The following ITGA1 variants were observed in gnomAD, a reference collection of about 807,000 sequenced individuals.
ITGA1 encodes integrin alpha-1.
ITGA1 carries 85 observed loss-of-function variants against 145.9 expected under a neutral mutation model. That is an observed-to-expected ratio of 0.58 (90% CI 0.49 to 0.70). ITGA1 has a LOEUF of 0.70. Among genes scored for constraint, ITGA1 ranks in the 30% least tolerant of loss-of-function variants. ITGA1 has a pLI of 0.00. For synonymous variants in ITGA1, 520 were observed against 495.3 expected, an observed-to-expected ratio of 1.05 and a Z score of -0.66; for missense variants, 1,351 against 1,418.7, an observed-to-expected ratio of 0.95 and a Z score of 0.77.
chr5:52,922,731 C>T (rs1372976206), intron 17 of ITGA1, 46 bp from the exon 18 acceptor site: 1 of 1,228,340 alleles, frequency 8.1e-7, no homozygotes, highest in African/African-American at 1.5e-5. Context: ...ATCAGAACAC[C>T]CGGTAAATAT....
intron 1 of ITGA1, among the ~76,000 whole-genome samples, chr5:52,798,595 T>C (rs1249823837): frequency 6.6e-6 from 1 of 152,100 alleles, no homozygotes; most frequent in Non-Finnish European, 1.5e-5. Flanking sequence ...TACTGAGAAA[T>C]ACAGTTTTCA....
At chr5:52,920,021 TAATA>T (rs1750707717) in intron 16 of ITGA1, among the ~76,000 whole-genome samples, 1 of 152,140 alleles carries the variant, frequency 6.6e-6, no homozygotes, top group Non-Finnish European at 1.5e-5. Flanking sequence ...AGTGAAAATA[TAATA>T]AATACAGTGG....
intron 1 of ITGA1, among the ~76,000 whole-genome samples, chr5:52,804,341 C>G (rs1177446771): frequency 6.6e-6 from 1 of 152,166 alleles, no homozygotes; most frequent in Non-Finnish European, 1.5e-5. Context: ...AAGTGAGAAG[C>G]TTGCACATTA....
At chr5:52,931,370 G>A (rs1561252964) in intron 21 of ITGA1, 1 of 152,048 alleles carries the variant, frequency 6.6e-6, no homozygotes, top group African/African-American at 2.4e-5. Flanking sequence ...CTCATTCTCT[G>A]GCCCCAGAGC....
intron 1 of ITGA1, chr5:52,801,781 C>T (rs1438852730): frequency 6.2e-7 from 1 of 1,613,942 alleles, no homozygotes; most frequent in Non-Finnish European, 8.5e-7. Context: ...TGCCATTCTC[C>T]GCTTCCCTGT....
chr5:52,928,133 T>C (rs1047647599), intron 20 of ITGA1, among the ~76,000 whole-genome samples: 3 of 152,334 alleles, frequency 2.0e-5, no homozygotes, highest in East Asian at 1.9e-4. Flanking sequence ...TAAGGTATTT[T>C]GTACAAGGTA....
chr5:52,852,646 T>C (rs1749447359), intron 2 of ITGA1, among the ~76,000 whole-genome samples: 2 of 152,130 alleles, frequency 1.3e-5, no homozygotes, highest in Non-Finnish European at 2.9e-5. Context: ...TTCAAGGTGA[T>C]TTCTAGGTAG....
At chr5:52,811,977 A>T (rs1404766405) in intron 1 of ITGA1, among the ~76,000 whole-genome samples, 1 of 152,318 alleles carries the variant, frequency 6.6e-6, no homozygotes, top group Non-Finnish European at 1.5e-5. Flanking sequence ...GAGCCCAGGC[A>T]TCTGTACATT....
intron 1 of ITGA1, among the ~76,000 whole-genome samples, chr5:52,848,854 T>C (rs1749380252): frequency 6.6e-6 from 1 of 152,108 alleles, no homozygotes; most frequent in Non-Finnish European, 1.5e-5. Context: ...TGAGATAGTT[T>C]GCTGAGAACG....
Position 52,865,785 on chromosome 5 carries a change from G to C in ITGA1, c.592G>C (p.Glu198Gln). Residue 198 changes from glutamate (E) to glutamine (Q), a missense_variant, in exon 6 of 29, where the codon GAA becomes CAA. Glu to Gln is a conservative substitution (Grantham distance 29). Coordinates refer to ENST00000282588, the MANE Select transcript of ITGA1 (RefSeq NM_181501.2). ...TACAGCTTTTTTAAATGACCTTCTT[G>C]AAAGAATGGATATTGGTCCTAAACA... ...SVTAFLNDLL[E>Q]RMDIGPKQTQ... is the part of the protein sequence containing the mutation. 6.2e-7 allele frequency: 1 copy of C among 1,602,604 alleles called. No individual in the cohort carries two copies.
chr5:52,909,108 A>C, intron 13 of ITGA1, 67 bp downstream of exon 13: 1 of 1,518,666 alleles, frequency 6.6e-7, no homozygotes, highest in East Asian at 2.4e-5. Context: ...TTTAATAATA[A>C]ATTCCAATTT....
At chr5:52,897,292 C>T (rs747276270) in intron 9 of ITGA1, among the ~76,000 whole-genome samples, 163 bp from the exon 10 acceptor site, 2 of 152,120 alleles carry the variant, frequency 1.3e-5, no homozygotes, top group Admixed American at 6.5e-5. Flanking sequence ...CCAGGCCTAC[C>T]TAGAAATTTT....
rs1239640726 is a variant in ITGA1, at chr5:52,922,825, C to G, written c.2341C>G (p.Leu781Val). ...DSVRITLDFN[L>V]TDPENGPVLD... The stretch of plus-strand genomic sequence containing the variant: ...TGTGAGAATAACGTTGGACTTTAAT[C>G]TTACCGATCCAGAAAATGGGCCTGT... The change falls in exon 18 of 29, where the codon CTT becomes GTT. Residue 781 changes from leucine (L) to valine (V), a missense_variant. Coordinates refer to ENST00000282588, the MANE Select transcript of ITGA1 (RefSeq NM_181501.2). 6.2e-7 allele frequency: 1 copy of G among 1,613,614 alleles called. No homozygotes were observed. The highest frequency in any genetic ancestry group is 8.5e-7 in the Non-Finnish European group (1 of 1,179,544).
At chr5:52,801,054 C>T in intron 1 of ITGA1, 17 of 1,613,730 alleles carry the variant, frequency 1.1e-5, no homozygotes, top group Non-Finnish European at 1.4e-5. Flanking sequence ...TCTGCGACTA[C>T]CTGTTTCAAC....
intron 1 of ITGA1, among the ~76,000 whole-genome samples, chr5:52,809,897 C>T (rs761432125): frequency 3.3e-5 from 5 of 152,110 alleles, no homozygotes; most frequent in Admixed American, 6.5e-5. Context: ...AGTCAACAAA[C>T]CTGAGAGGAG....
intron 1 of ITGA1, among the ~76,000 whole-genome samples, chr5:52,796,064 A>G (rs888212078): frequency 1.2e-4 from 18 of 152,166 alleles, no homozygotes; most frequent in African/African-American, 4.3e-4. Flanking sequence ...GGTGTTGTTT[A>G]AACACTTAAA....
chr5:52,901,105 C>T (rs6873446), intron 11 of ITGA1, among the ~76,000 whole-genome samples: 5,296 of 152,208 alleles, frequency 0.035, 349 homozygotes, highest in African/African-American at 0.12. Context: ...GGACCTGATA[C>T]AATCAAGCAT....
At chr5:52,923,848 C>T (rs1750765695) in intron 18 of ITGA1, among the ~76,000 whole-genome samples, 2 of 152,206 alleles carry the variant, frequency 1.3e-5, no homozygotes. Flanking sequence ...CCAGTAACCA[C>T]CTAGGTCATC....
intron 8 of ITGA1, among the ~76,000 whole-genome samples, chr5:52,888,227 G>A (rs549071184): frequency 1.3e-5 from 2 of 151,068 alleles, no homozygotes; most frequent in Admixed American, 6.6e-5. Flanking sequence ...CATGAAAAGA[G>A]GAAGAAGGAA....
Sources: allele counts gnomAD v4.1 joint callset (sites outside exome capture counted in the v4.1 genomes callset), GRCh38; gene constraint gnomAD v4.1.1; transcripts MANE v1.5; gene names NCBI Gene and HGNC (gene_info 2026-07-23, HGNC 2026-07-21).